Variants in KIF6 observed in about 807,000 individuals in gnomAD.
KIF6 encodes kinesin family member 6.
A neutral mutation model predicts 112.7 loss-of-function variants in KIF6; 106 were observed. The ratio of observed to expected loss-of-function variants is 0.94; its 90% CI spans 0.80 to 1.11. The LOEUF is 1.11. Ranked by LOEUF, KIF6 falls within the 50% of genes least tolerant of loss-of-function variation. KIF6 has a pLI of 0.00. For synonymous variants in KIF6, 339 were observed against 339.9 expected, an observed-to-expected ratio of 1.00 and a Z score of 0.03; for missense variants, 929 against 964.0, an observed-to-expected ratio of 0.96 and a Z score of 0.48.
Position 39,596,140 on chromosome 6 carries a change from A to C in KIF6, c.760T>G (p.Ser254Ala). The part of the protein sequence containing the change: ...AKLHLVDLAG[S>A]ERVAKTGVGG... The stretch of plus-strand genomic sequence containing the variant: ...ACTCCAGTCTTTGCAACTCGCTCTG[A>C]ACCAGCCAGGTCAACCAGATGGAGT... The change falls in exon 7 of 23, where the codon TCA becomes GCA. Residue 254 changes from serine (S) to alanine (A), a missense_variant. Transcript: ENST00000287152. The C allele has an allele frequency of 1.9e-6, 3 of 1,614,040 alleles. No individual in the cohort carries two copies. The highest frequency in any genetic ancestry group is 2.5e-6 in the Non-Finnish European group (3 of 1,179,990).
chr6:39,357,396 TCA>T, intron 18 of KIF6, 22 bp from the exon 19 acceptor site: 1 of 1,494,290 alleles, frequency 6.7e-7, no homozygotes, highest in Non-Finnish European at 9.3e-7. Flanking sequence ...AGAAGGAGTT[TCA>T]CAGTGTTAGC....
At chr6:39,622,779 G>C (rs1783898397) in intron 5 of KIF6, among the ~76,000 whole-genome samples, 1 of 152,316 alleles carries the variant, frequency 6.6e-6, no homozygotes, top group Non-Finnish European at 1.5e-5. Context: ...GCAGGTGCCT[G>C]TTTCCTTCCA....
intron 19 of KIF6, among the ~76,000 whole-genome samples, chr6:39,355,606 G>A (rs1007934493): frequency 6.6e-6 from 1 of 151,576 alleles, no homozygotes; most frequent in Non-Finnish European, 1.5e-5. Context: ...TGAGATTACA[G>A]GCATGCACCA....
At chr6:39,377,185 A>G (rs1766509236) in intron 16 of KIF6, among the ~76,000 whole-genome samples, 1 of 152,116 alleles carries the variant, frequency 6.6e-6, no homozygotes. Context: ...AGTAGCTAGG[A>G]CTACAGGTAT....
At position 39,378,084 on chromosome 6, in the gene KIF6, G is replaced by A. The variant is rs988207985; in HGVS notation, c.1861+7538C>T. Among the ~76,000 whole-genome samples the A allele has an allele frequency of 2.0e-5, 3 of 151,942 alleles. No homozygotes were observed. Among genetic ancestry groups the A allele is most frequent in the South Asian group, 2.1e-4 (1 of 4,818 alleles). On this transcript the variant is annotated intron_variant, in intron 16 of 22. Coordinates refer to ENST00000287152, the MANE Select transcript of KIF6 (RefSeq NM_145027.6). This position sits in a 1 kb window ranked among gnomAD's most constrained non-coding sequence, Gnocchi z 5.0. ...CTATAACAGTATATGAAACATGCTC[G>A]CTGTCGAGGAAATGGGATGTTCCAG...
chr6:39,548,567 G>A (rs1040061530), intron 10 of KIF6, among the ~76,000 whole-genome samples: 3 of 152,202 alleles, frequency 2.0e-5, no homozygotes, highest in Non-Finnish European at 4.4e-5. Flanking sequence ...TTACTGTTGG[G>A]TTTATTTCCT....
chr6:39,589,035 T>C (rs1377247995), intron 7 of KIF6, among the ~76,000 whole-genome samples: 1 of 152,182 alleles, frequency 6.6e-6, no homozygotes. Context: ...TCCTGTGTGG[T>C]CCATCCCTGT....
chr6:39,571,566 C>T (rs534103792), intron 10 of KIF6, among the ~76,000 whole-genome samples: 12 of 152,226 alleles, frequency 7.9e-5, no homozygotes, highest in South Asian at 2.1e-4. Context: ...CCATATTTCC[C>T]GCACCTAAAA....
chr6:39,517,306 G>A (rs1183622552), intron 13 of KIF6, among the ~76,000 whole-genome samples: 1 of 152,190 alleles, frequency 6.6e-6, no homozygotes, highest in Non-Finnish European at 1.5e-5. Flanking sequence ...TTTACTATTA[G>A]GCATTAGGGA....
At chr6:39,704,917 C>G (rs1280672095) in intron 3 of KIF6, among the ~76,000 whole-genome samples, 1 of 152,204 alleles carries the variant, frequency 6.6e-6, no homozygotes, top group Non-Finnish European at 1.5e-5. Flanking sequence ...CCCTTCTGAG[C>G]ATGGGGCCCT....
At chr6:39,663,903 A>G (rs1561909574) in intron 3 of KIF6, among the ~76,000 whole-genome samples, 1 of 151,862 alleles carries the variant, frequency 6.6e-6, no homozygotes, top group Non-Finnish European at 1.5e-5. Flanking sequence ...AAAGAAATGT[A>G]AAGCAATTTA....
chr6:39,336,529 A>T lies in KIF6; in HGVS notation c.*3T>A. On this transcript the variant is annotated 3_prime_UTR_variant, in exon 23 of 23. Transcript: ENST00000287152. ...AATTCATGGATGGATATTTCCTGGA[A>T]ATTCAATTGCTTCCCAAACCTGAAA... The T allele has an allele frequency of 6.2e-7, 1 of 1,613,872 alleles. No homozygotes were observed.
intron 13 of KIF6, among the ~76,000 whole-genome samples, chr6:39,442,238 T>G (rs1771961466): frequency 6.6e-6 from 1 of 152,070 alleles, no homozygotes; most frequent in Admixed American, 6.5e-5. Flanking sequence ...GACTTTCCCT[T>G]GAGCAGGTGA....
chr6:39,480,680 T>G (rs11755409), intron 13 of KIF6, among the ~76,000 whole-genome samples: 3,136 of 152,304 alleles, frequency 0.021, 52 homozygotes, highest in Non-Finnish European at 0.029. Context: ...TGAGTCTATC[T>G]GGTCCTGGGC....
chr6:39,551,713 G>C (rs1470063521), intron 10 of KIF6, among the ~76,000 whole-genome samples: 1 of 152,118 alleles, frequency 6.6e-6, no homozygotes, highest in Non-Finnish European at 1.5e-5. Context: ...ATGATAACTA[G>C]GAAGAATTGA....
intron 22 of KIF6, among the ~76,000 whole-genome samples, chr6:39,338,080 A>C (rs1277916558): frequency 6.6e-6 from 1 of 152,226 alleles, no homozygotes; most frequent in Non-Finnish European, 1.5e-5. Flanking sequence ...GGTAAGAGTG[A>C]TATGCAGTTA....
At chr6:39,551,999 C>T (rs762545975) in intron 10 of KIF6, among the ~76,000 whole-genome samples, 163 of 152,312 alleles carry the variant, frequency 1.1e-3, no homozygotes, top group Admixed American at 1.8e-3. Context: ...ATAGAATTTT[C>T]GGCTCCATCC....
chr6:39,649,600 A>G (rs1483276130), intron 3 of KIF6, among the ~76,000 whole-genome samples: 1 of 152,164 alleles, frequency 6.6e-6, no homozygotes, highest in Non-Finnish European at 1.5e-5. Flanking sequence ...AAGCACAGAT[A>G]CCACCACTCC....
At chr6:39,356,094 T>G (rs1164307618) in intron 19 of KIF6, among the ~76,000 whole-genome samples, 2 of 152,040 alleles carry the variant, frequency 1.3e-5, no homozygotes, top group Non-Finnish European at 2.9e-5. Context: ...ACACTTGGTT[T>G]TTGGGGACCT....
Sources: gnomAD v4.1 joint callset for allele counts (sites outside exome capture counted in the v4.1 genomes callset) on GRCh38, gnomAD v4.1.1 for gene constraint, Gnocchi (gnomAD v3.1) non-coding constraint, MANE v1.5 for transcripts, NCBI Gene and HGNC (gene_info 2026-07-23, HGNC 2026-07-21) for gene names.